The following SKAP1 variants were observed in gnomAD, a reference collection of about 807,000 sequenced individuals.
The protein encoded by SKAP1 is src kinase associated phosphoprotein 1.
In SKAP1, 44 loss-of-function variants were observed where a neutral mutation model predicts 58.5. The ratio of observed to expected loss-of-function variants is 0.75; its 90% CI spans 0.59 to 0.97. The LOEUF (loss-of-function observed/expected upper bound fraction) is 0.97. Among genes scored for constraint, SKAP1 ranks in the 50% least tolerant of loss-of-function variants. The probability of loss-of-function intolerance (pLI) is 0.00; values close to 1 mark genes in which losing one functional copy is unlikely to be tolerated. For missense variants in SKAP1, 390 were observed against 435.2 expected, an observed-to-expected ratio of 0.90 and a Z score of 0.92; for synonymous variants, 127 against 149.7, an observed-to-expected ratio of 0.85 and a Z score of 1.11.
chr17:48,352,795 G>T lies in SKAP1; in HGVS notation c.179-6789C>A, dbSNP rs533043816. Reference sequence around the variant, plus strand: ...AAATAACTTACCCAAAGTCATATAGGTGACTCATAAGTGGCAGGGCCAGGC... The same window carrying T: ...AAATAACTTACCCAAAGTCATATAGTTGACTCATAAGTGGCAGGGCCAGGC... On this transcript the variant is annotated intron_variant, in intron 3 of 12. Coordinates refer to ENST00000336915, the MANE Select transcript of SKAP1 (RefSeq NM_003726.4). Among the ~76,000 whole-genome samples, 6 of 152,184 alleles carry T rather than the reference G, an allele frequency of 3.9e-5. No homozygotes were observed. The South Asian group carries it at 6.2e-4, about 16-fold the overall frequency.
intron 4 of SKAP1, among the ~76,000 whole-genome samples, chr17:48,192,171 T>A (rs2064554791): frequency 8.1e-6 from 1 of 123,934 alleles, no homozygotes; most frequent in African/African-American, 2.8e-5. Context: ...AGAGCGAGAC[T>A]CTGCCTCTTA....
At chr17:48,239,368 G>C (rs2065218011) in intron 4 of SKAP1, among the ~76,000 whole-genome samples, 1 of 152,170 alleles carries the variant, frequency 6.6e-6, no homozygotes, top group African/African-American at 2.4e-5. Context: ...ACATCAGCCT[G>C]GCAGTAAATC....
intron 1 of SKAP1, among the ~76,000 whole-genome samples, chr17:48,413,810 A>G (rs1567905740): frequency 1.3e-5 from 2 of 152,026 alleles, no homozygotes; most frequent in Non-Finnish European, 1.5e-5. Flanking sequence ...TAAGTGTAAC[A>G]CCCAGTGTGA....
chr17:48,143,211 G>A (rs1383936272), intron 11 of SKAP1, among the ~76,000 whole-genome samples: 1 of 122,572 alleles, frequency 8.2e-6, no homozygotes, highest in Non-Finnish European at 1.7e-5. Context: ...TTTTTTTTTG[G>A]GAGACAGGAT....
intron 4 of SKAP1, among the ~76,000 whole-genome samples, chr17:48,278,914 T>C (rs1313214855): frequency 1.3e-5 from 2 of 152,184 alleles, no homozygotes; most frequent in African/African-American, 4.8e-5. Context: ...CCAGGAAACC[T>C]GGGCTGAGGG....
At chr17:48,373,415 G>T (rs1030469934) in intron 2 of SKAP1, among the ~76,000 whole-genome samples, 5 of 152,176 alleles carry the variant, frequency 3.3e-5, no homozygotes, top group African/African-American at 1.2e-4. Flanking sequence ...TGAGATTTGG[G>T]TGGGGGGACA....
chr17:48,173,695 C>A (rs182712335), intron 9 of SKAP1, among the ~76,000 whole-genome samples: 2 of 152,248 alleles, frequency 1.3e-5, no homozygotes, highest in Admixed American at 1.3e-4. Flanking sequence ...GCTGTCTGTG[C>A]GCAGCTGTCT....
At chr17:48,189,348 A>G in intron 5 of SKAP1, 75 bp downstream of exon 5, 10 of 1,219,212 alleles carry the variant, frequency 8.2e-6, no homozygotes, top group Non-Finnish European at 1.1e-5. Flanking sequence ...GAAGGCATCC[A>G]ATGTGTTAGC....
intron 4 of SKAP1, among the ~76,000 whole-genome samples, chr17:48,307,106 T>C (rs1021813405): frequency 6.6e-6 from 1 of 152,210 alleles, no homozygotes; most frequent in Admixed American, 6.5e-5. Context: ...ATTATAGTAG[T>C]AGACAAGCAA....
chr17:48,367,688 CAGG>C (rs924949627), intron 2 of SKAP1, among the ~76,000 whole-genome samples: 24 of 151,378 alleles, frequency 1.6e-4, no homozygotes, highest in Middle Eastern at 3.5e-3. Context: ...GAGACCAAGG[CAGG>C]AGGATTGCCC....
chr17:48,323,293 A>G (rs942109018), intron 4 of SKAP1, among the ~76,000 whole-genome samples: 4 of 151,994 alleles, frequency 2.6e-5, no homozygotes, highest in Admixed American at 6.6e-5. Flanking sequence ...CAATCACCAG[A>G]AAGAGAAATG....
At chr17:48,198,845 T>G (rs1051403447) in intron 4 of SKAP1, among the ~76,000 whole-genome samples, 1 of 152,198 alleles carries the variant, frequency 6.6e-6, no homozygotes, top group African/African-American at 2.4e-5. Context: ...CTTTAGCAGC[T>G]AAGTCACAGT....
At chr17:48,390,689 A>G (rs1279500376) in intron 2 of SKAP1, among the ~76,000 whole-genome samples, 1 of 152,198 alleles carries the variant, frequency 6.6e-6, no homozygotes, top group Non-Finnish European at 1.5e-5. Flanking sequence ...CTAGCTCACA[A>G]TCCCAAACTC....
chr17:48,273,872 G>C (rs2065665267), intron 4 of SKAP1, among the ~76,000 whole-genome samples: 1 of 152,102 alleles, frequency 6.6e-6, no homozygotes, highest in African/African-American at 2.4e-5. Context: ...CTAAGGGTAG[G>C]CTTGAGGAAT....
At chr17:48,394,484 G>C (rs2067390947) in intron 2 of SKAP1, among the ~76,000 whole-genome samples, 1 of 151,962 alleles carries the variant, frequency 6.6e-6, no homozygotes, top group Admixed American at 6.6e-5. Flanking sequence ...TGGGACCACA[G>C]GCATATACCA....
At chr17:48,184,989 G>A (rs1598405624) in intron 6 of SKAP1, 142 bp from the exon 7 acceptor site, 1 of 739,392 alleles carries the variant, frequency 1.4e-6, no homozygotes, top group Non-Finnish European at 2.1e-6. Flanking sequence ...GGTTATTAGA[G>A]AAGCTTAAGA....
chr17:48,235,555 A>C (rs2065170855), intron 4 of SKAP1, among the ~76,000 whole-genome samples: 1 of 152,212 alleles, frequency 6.6e-6, no homozygotes, highest in South Asian at 2.1e-4. Context: ...TTCTGTGCTA[A>C]GGTAACTGAT....
intron 1 of SKAP1, among the ~76,000 whole-genome samples, chr17:48,402,448 G>GC: frequency 6.6e-6 from 1 of 152,022 alleles, no homozygotes; most frequent in East Asian, 1.9e-4. Flanking sequence ...TCGTGCCTCA[G>GC]CCCCCCAAGT....
the SKAP1 span, among the ~76,000 whole-genome samples, chr17:48,443,460 CTGTTTGTTTGTT>C: frequency 8.7e-5 from 13 of 150,102 alleles, no homozygotes; most frequent in South Asian, 4.3e-4. Context: ...CAAGGTAAGT[CTGTTTGTTTGTT>C]TGTTTGTTTG....
Sources: allele counts gnomAD v4.1 joint callset (sites outside exome capture counted in the v4.1 genomes callset), GRCh38; gene constraint gnomAD v4.1.1; transcripts MANE v1.5; gene names NCBI Gene and HGNC (gene_info 2026-07-23, HGNC 2026-07-21).